CREG2: variants seen among roughly 807,000 people sequenced by gnomAD.
The protein encoded by CREG2 is protein CREG2.
CREG2 carries 24 observed loss-of-function variants against 26.2 expected under a neutral mutation model. The observed-to-expected ratio is 0.92, with a 90% CI of 0.66 to 1.29. The LOEUF (loss-of-function observed/expected upper bound fraction) is 1.29, where lower values mean the gene tolerates loss of function less well. Among genes scored for constraint, CREG2 ranks in the 50% most tolerant of loss-of-function variants. The probability of loss-of-function intolerance (pLI) is 0.00; values close to 1 mark genes in which losing one functional copy is unlikely to be tolerated. For synonymous variants in CREG2, 174 were observed against 169.2 expected, an observed-to-expected ratio of 1.03 and a Z score of -0.22; for missense variants, 366 against 398.6, an observed-to-expected ratio of 0.92 and a Z score of 0.70.
intron 2 of CREG2, among the ~76,000 whole-genome samples, chr2:101,365,957 C>T (rs992506684): frequency 1.4e-4 from 22 of 152,176 alleles, no homozygotes; most frequent in African/African-American, 5.3e-4. Flanking sequence ...AGTTTCACAA[C>T]CATTGTGAAA....
chr2:101,363,685 T>A (rs1241283152), intron 2 of CREG2, among the ~76,000 whole-genome samples: 2 of 152,166 alleles, frequency 1.3e-5, no homozygotes, highest in African/African-American at 4.8e-5. Flanking sequence ...TTGATTTTTT[T>A]ATAATATAGA....
chr2:101,387,267 T>C lies in CREG2; in HGVS notation c.191A>G (p.Glu64Gly), dbSNP rs1684989212. Reference protein sequence around the residue: ...STEEAMPALLEDSGSIWQQSF... With the variant: ...STEEAMPALLGDSGSIWQQSF... ...TTGCTGCCAGATGCTGCCCGAATCC[T>C]CTAGCAGCGCGGGCATAGCCTCCTC... The change falls in exon 1 of 4, where the codon GAG (glutamate) becomes GGG (glycine). Residue 64 changes from glutamate to glycine, a missense_variant. Transcript: ENST00000324768. This position sits in a 1 kb window ranked among gnomAD's most constrained non-coding sequence, Gnocchi z 4.7. 1 of 1,476,796 alleles carries C rather than the reference T, an allele frequency of 6.8e-7. No individual in the cohort carries two copies. The allele number at this position is 1,476,796 out of a possible 1,614,324, so 91.5% of individuals were successfully genotyped here.
intron 2 of CREG2, among the ~76,000 whole-genome samples, chr2:101,355,746 C>T (rs920935812): frequency 2.0e-5 from 3 of 151,830 alleles, no homozygotes; most frequent in Non-Finnish European, 2.9e-5. Flanking sequence ...GTTTTGCTTG[C>T]AGGAGGGGGA....
Position 101,387,430 on chromosome 2 carries a change from C to G in CREG2, c.28G>C (p.Ala10Pro), listed in dbSNP as rs1684993485. ...CAGGAGAGGCGGGTCCCCGGCCGCG[C>G]CGGCCGCCGGCCGCGGCGCACGGAC... MSVRRGRRP[A>P]RPGTRLSWLL... is the part of the protein sequence containing the mutation. The change falls in exon 1 of 4, where the codon GCG (alanine) becomes CCG (proline). Residue 10 changes from alanine to proline, a missense_variant. By Grantham distance (27) the Ala-to-Pro change is conservative. Coordinates refer to ENST00000324768, the MANE Select transcript of CREG2 (RefSeq NM_153836.4). This position sits in a 1 kb window ranked among gnomAD's most constrained non-coding sequence, Gnocchi z 4.7. 6.4e-6 allele frequency: 8 copies of G among 1,247,814 alleles called. No homozygotes were observed. Among genetic ancestry groups the G allele is most frequent in the South Asian group, 2.9e-5 (1 of 35,082 alleles). 77.3% of individuals were successfully genotyped at this position (1,247,814 alleles called of 1,614,324 possible). A position where few individuals can be genotyped will look rare whatever the true frequency, so the allele number is the denominator to read the frequency against.
At chr2:101,363,471 G>A (rs191856307) in intron 2 of CREG2, among the ~76,000 whole-genome samples, 126 of 152,160 alleles carry the variant, frequency 8.3e-4, no homozygotes, top group Middle Eastern at 3.4e-3. Flanking sequence ...CAAGGGATGC[G>A]TTTTTCTAAA....
chr2:101,363,058 C>T (rs761325174), intron 2 of CREG2, among the ~76,000 whole-genome samples: 2 of 152,166 alleles, frequency 1.3e-5, no homozygotes, highest in African/African-American at 4.8e-5. Flanking sequence ...GCATACCCAG[C>T]CAGGAGCTTC....
At chr2:101,375,878 T>A in intron 2 of CREG2, 1 of 154,994 alleles carries the variant, frequency 6.5e-6, no homozygotes, top group South Asian at 2.0e-4. Context: ...CACCCCTTCC[T>A]CTCCACAGTC....
In CREG2 at chr2:101,349,842, G is replaced by A. The variant is rs1249785735; in HGVS notation, c.*1081C>T. The stretch of plus-strand genomic sequence containing the variant: ...TTTTCCTGGTTCAATTTCTACCCAT[G>A]CATTTCAATAACTCTTTTGTTGTTA... On this transcript the variant is annotated 3_prime_UTR_variant, in exon 4 of 4. Transcript: ENST00000324768. 1.3e-5 allele frequency: 2 copies of A among 151,590 alleles called. No homozygotes were observed. The highest frequency in any genetic ancestry group is 2.9e-5 in the Non-Finnish European group (2 of 67,982). 9.4% of individuals were successfully genotyped at this position (151,590 alleles called of 1,614,324 possible).
At chr2:101,383,309 C>A (rs138630438) in intron 2 of CREG2, among the ~76,000 whole-genome samples, 1 of 152,336 alleles carries the variant, frequency 6.6e-6, no homozygotes, top group African/African-American at 2.4e-5. Context: ...TTATTATTCC[C>A]ATTTTACAGA....
Position 101,383,613 on chromosome 2 carries a change from G to T in CREG2, c.531C>A (p.Ala177=), listed in dbSNP as rs1373923238. The change falls in exon 2 of 4, where the codon GCC becomes GCA. Residue 177 remains alanine, a synonymous_variant. Transcript: ENST00000324768. ...STGIPFFYMT[A]KDPVVADLMK... ...TCAGATCAGCCACCACGGGGTCCTT[G>T]GCTGTCATGTAGAAGAAAGGAATCC... 1.9e-6 allele frequency: 3 copies of T among 1,614,204 alleles called. No homozygotes were observed. Among genetic ancestry groups the T allele is most frequent in the South Asian group, 1.1e-5 (1 of 91,084 alleles).
chr2:101,357,586 A>G (rs955388760), intron 2 of CREG2, among the ~76,000 whole-genome samples: 1 of 152,120 alleles, frequency 6.6e-6, no homozygotes, highest in East Asian at 1.9e-4. Flanking sequence ...TAGTGTTTTC[A>G]GTATTTCTGA....
rs1172763185 is a variant in CREG2 at position 101,387,467 on chromosome 2, A to G, written c.-10T>C. On this transcript the variant is annotated 5_prime_UTR_variant, in exon 1 of 4. Coordinates refer to ENST00000324768, the MANE Select transcript of CREG2 (RefSeq NM_153836.4). This position sits in a 1 kb window ranked among gnomAD's most constrained non-coding sequence, Gnocchi z 4.7. Reference sequence around the variant, plus strand: ...CGCGGCGCACGGACATCTTGCAGGCAGCACGCCCGGCCGCCGGGGCCGCCA... The same window carrying G: ...CGCGGCGCACGGACATCTTGCAGGCGGCACGCCCGGCCGCCGGGGCCGCCA... 1.9e-6 allele frequency: 2 copies of G among 1,070,392 alleles called. No homozygotes were observed. The highest frequency in any genetic ancestry group is 3.3e-5 in the African/African-American group (2 of 60,016). The allele number at this position is 1,070,392 out of a possible 1,614,324, so 66.3% of individuals were successfully genotyped here. A position where few individuals can be genotyped will look rare whatever the true frequency, so the allele number is the denominator to read the frequency against.
chr2:101,376,580 CA>C (rs1684794354), intron 2 of CREG2, among the ~76,000 whole-genome samples: 1 of 152,086 alleles, frequency 6.6e-6, no homozygotes, highest in African/African-American at 2.4e-5. Flanking sequence ...TCACCTGGCC[CA>C]GAATTTAATC....
chr2:101,355,999 C>G (rs182148853), intron 2 of CREG2, among the ~76,000 whole-genome samples: 1 of 152,088 alleles, frequency 6.6e-6, no homozygotes, highest in Non-Finnish European at 1.5e-5. Flanking sequence ...TCAGGTCATA[C>G]AGACTTAAAG....
intron 2 of CREG2, among the ~76,000 whole-genome samples, chr2:101,361,774 G>A (rs2104474085): frequency 6.6e-6 from 1 of 152,278 alleles, no homozygotes; most frequent in Admixed American, 6.5e-5. Context: ...AGTCACAGGA[G>A]TGCAACACAA....
intron 2 of CREG2, among the ~76,000 whole-genome samples, chr2:101,366,632 G>A (rs1167001488): frequency 2.0e-5 from 3 of 152,130 alleles, no homozygotes; most frequent in Non-Finnish European, 4.4e-5. Flanking sequence ...AGACCAGCCT[G>A]GTCAAATGAC....
intron 2 of CREG2, among the ~76,000 whole-genome samples, chr2:101,357,364 T>C (rs1326679110): frequency 3.3e-5 from 5 of 152,204 alleles, no homozygotes; most frequent in African/African-American, 4.8e-5. Context: ...CTACTAATCA[T>C]GTCAGGGTGC....
intron 2 of CREG2, among the ~76,000 whole-genome samples, chr2:101,369,190 C>G (rs1486621957): frequency 3.3e-5 from 5 of 152,128 alleles, no homozygotes; most frequent in African/African-American, 9.7e-5. Context: ...TGGGTTGATC[C>G]AGGGAGACCT....
intron 2 of CREG2, among the ~76,000 whole-genome samples, chr2:101,378,058 G>C (rs1237025673): frequency 2.0e-5 from 3 of 152,178 alleles, no homozygotes; most frequent in African/African-American, 7.2e-5. Context: ...CTGTACGTTA[G>C]ATCCCCAGAA....
Sources: gnomAD v4.1 joint callset for allele counts (sites outside exome capture counted in the v4.1 genomes callset) on GRCh38, gnomAD v4.1.1 for gene constraint, Gnocchi (gnomAD v3.1) non-coding constraint, MANE v1.5 for transcripts, NCBI Gene and HGNC (gene_info 2026-07-23, HGNC 2026-07-21) for gene names.